Variants in SLC9A9 observed in about 807,000 individuals in gnomAD.
SLC9A9 encodes the protein sodium/hydrogen exchanger 9.
Under a neutral mutation model 77.8 loss-of-function variants are expected in SLC9A9, and 62 were observed. That is an observed-to-expected ratio of 0.80 (90% CI 0.65 to 0.98). SLC9A9 has a LOEUF of 0.98. Among genes scored for constraint, SLC9A9 ranks in the 50% least tolerant of loss-of-function variants. The pLI, the probability that SLC9A9 is intolerant of heterozygous loss-of-function variation, is 0.00. For synonymous variants in SLC9A9, 320 were observed against 283.5 expected (o/e 1.13, Z -1.29); for missense variants, 775 against 774.9 (o/e 1.00, Z 0.00).
intron 8 of SLC9A9, among the ~76,000 whole-genome samples, chr3:143,569,816 T>C (rs1489678580): frequency 9.3e-6 from 1 of 107,048 alleles, no homozygotes; most frequent in African/African-American, 2.9e-5. Flanking sequence ...GTTTTTTTCT[T>C]TTTTTTTTTT....
At chr3:143,809,263 A>G (rs1042337715) in intron 2 of SLC9A9, among the ~76,000 whole-genome samples, 4 of 152,242 alleles carry the variant, frequency 2.6e-5, no homozygotes, top group African/African-American at 9.6e-5. Flanking sequence ...AGAACATTTC[A>G]ATAATGAAAA....
chr3:143,729,407 T>G (rs1934745646), intron 4 of SLC9A9, among the ~76,000 whole-genome samples: 1 of 152,166 alleles, frequency 6.6e-6, no homozygotes, highest in Non-Finnish European at 1.5e-5. Context: ...AAGGAATAGA[T>G]GACATGAACT....
intron 14 of SLC9A9, among the ~76,000 whole-genome samples, chr3:143,291,525 C>T (rs753901008): frequency 3.3e-5 from 5 of 152,096 alleles, no homozygotes; most frequent in African/African-American, 7.2e-5. Flanking sequence ...TCTCTCCACC[C>T]GAAGGGGACA....
intron 8 of SLC9A9, among the ~76,000 whole-genome samples, chr3:143,562,158 T>G (rs2037098774): frequency 6.6e-6 from 1 of 152,210 alleles, no homozygotes; most frequent in Non-Finnish European, 1.5e-5. Context: ...AAAGCAGGCC[T>G]AGGCCTCAAG....
chr3:143,284,801 C>G (rs1183909097), intron 14 of SLC9A9, among the ~76,000 whole-genome samples: 1 of 152,082 alleles, frequency 6.6e-6, no homozygotes, highest in Admixed American at 6.6e-5. Context: ...CTGGGAGGGT[C>G]CCTGCTGTTC....
intron 14 of SLC9A9, among the ~76,000 whole-genome samples, chr3:143,348,092 C>T (rs1576440471): frequency 6.6e-6 from 1 of 151,488 alleles, no homozygotes; most frequent in Non-Finnish European, 1.5e-5. Context: ...CCGCTCACTG[C>T]AACCTCCACC....
At chr3:143,792,910 T>C (rs2008265127) in intron 4 of SLC9A9, among the ~76,000 whole-genome samples, 1 of 152,168 alleles carries the variant, frequency 6.6e-6, no homozygotes, top group African/African-American at 2.4e-5. Context: ...TGAATCTGAC[T>C]TTTCATCTTC....
chr3:143,576,886 A>G (rs1413162756), intron 7 of SLC9A9, among the ~76,000 whole-genome samples: 1 of 152,164 alleles, frequency 6.6e-6, no homozygotes, highest in Non-Finnish European at 1.5e-5. Context: ...ATTTCTGTCA[A>G]TGGAGATGCC....
intron 4 of SLC9A9, among the ~76,000 whole-genome samples, chr3:143,747,997 C>A (rs1168554675): frequency 1.3e-5 from 2 of 152,108 alleles, no homozygotes; most frequent in South Asian, 4.2e-4. Context: ...TGTGTCTCCA[C>A]GAACCCCTTT....
chr3:143,368,119 T>C (rs2032958463), intron 13 of SLC9A9, among the ~76,000 whole-genome samples: 1 of 152,198 alleles, frequency 6.6e-6, no homozygotes. Context: ...GCGAAACTTT[T>C]AGAAATGGGC....
rs1017857902 is a variant in SLC9A9 at position 143,421,668 on chromosome 3, T to C, written c.1470-39554A>G. ...GAAAGAAACCCAGGAAATACCATTC[T>C]GGACATTGGCCTTGGCAAAGAATTT... is the stretch of plus-strand genomic sequence containing the variant. On this transcript the variant is annotated intron_variant, in intron 12 of 15. Transcript: ENST00000316549. 2.0e-5 allele frequency among the ~76,000 whole-genome samples: 3 copies of C among 152,298 alleles called. No homozygotes were observed. The Middle Eastern group carries it at 0.01, about 518-fold the overall frequency.
At chr3:143,475,575 G>A (rs993323109) in intron 11 of SLC9A9, among the ~76,000 whole-genome samples, 6 of 151,896 alleles carry the variant, frequency 4.0e-5, no homozygotes, top group Admixed American at 2.6e-4. Context: ...GGTGGATCAC[G>A]AGGTCAGGAG....
At chr3:143,724,873 G>A (rs1238734912) in intron 4 of SLC9A9, among the ~76,000 whole-genome samples, 2 of 152,036 alleles carry the variant, frequency 1.3e-5, no homozygotes, top group East Asian at 3.9e-4. Context: ...AACATCAAAG[G>A]TAGGATGCCA....
chr3:143,842,793 C>T (rs2009740195), intron 1 of SLC9A9, among the ~76,000 whole-genome samples: 2 of 152,186 alleles, frequency 1.3e-5, no homozygotes, highest in East Asian at 3.9e-4. Context: ...GCTGAAATAA[C>T]ACTAACTAAA....
chr3:143,535,398 A>G (rs140572175), intron 9 of SLC9A9, among the ~76,000 whole-genome samples: 368 of 152,340 alleles, frequency 2.4e-3, no homozygotes, highest in African/African-American at 8.5e-3. Context: ...GCTTTCTGAC[A>G]ACGATATCAG....
At chr3:143,734,912 G>A (rs548530498) in intron 4 of SLC9A9, among the ~76,000 whole-genome samples, 2 of 152,202 alleles carry the variant, frequency 1.3e-5, no homozygotes, top group South Asian at 4.1e-4. Flanking sequence ...TAAGTCTCTT[G>A]TGGCTAAGGC....
At chr3:143,485,777 G>C (rs74432242) in intron 11 of SLC9A9, among the ~76,000 whole-genome samples, 2,219 of 151,986 alleles carry the variant, frequency 0.015, 42 homozygotes, top group East Asian at 0.12. Context: ...TGAAAAAGAC[G>C]TGATGGCAGA....
At chr3:143,612,048 T>G (rs191182416) in intron 6 of SLC9A9, among the ~76,000 whole-genome samples, 1 of 152,158 alleles carries the variant, frequency 6.6e-6, no homozygotes, top group Non-Finnish European at 1.5e-5. Context: ...GTTAAAGCCT[T>G]GGGTCAGTCA....
At chr3:143,662,383 G>T (rs1325894389) in intron 5 of SLC9A9, among the ~76,000 whole-genome samples, 1 of 152,364 alleles carries the variant, frequency 6.6e-6, no homozygotes, top group East Asian at 1.9e-4. Context: ...CTCCCAGCAT[G>T]AGCGATGCAG....
Sources: gnomAD v4.1 joint callset for allele counts (sites outside exome capture counted in the v4.1 genomes callset) on GRCh38, gnomAD v4.1.1 for gene constraint, MANE v1.5 for transcripts, NCBI Gene and HGNC (gene_info 2026-07-23, HGNC 2026-07-21) for gene names.